Variants in SIK3 observed in about 807,000 individuals in gnomAD.
SIK3 encodes the protein serine/threonine-protein kinase SIK3.
SIK3 carries 28 observed loss-of-function variants against 144.2 expected under a neutral mutation model. The observed-to-expected ratio is 0.19, with a 90% CI of 0.14 to 0.27. The LOEUF is 0.27. Ranked by LOEUF, SIK3 falls within the 10% of genes least tolerant of loss-of-function variation. The probability of loss-of-function intolerance (pLI) is 1.00; values close to 1 mark genes in which losing one functional copy is unlikely to be tolerated. For synonymous variants in SIK3, 686 were observed against 676.3 expected, an observed-to-expected ratio of 1.01 and a Z score of -0.22; for missense variants, 1,319 against 1,776.0, an observed-to-expected ratio of 0.74 and a Z score of 4.62.
At chr11:117,001,731 C>G (rs2135614123) in intron 1 of SIK3, among the ~76,000 whole-genome samples, 1 of 152,274 alleles carries the variant, frequency 6.6e-6, no homozygotes, top group Non-Finnish European at 1.5e-5. Context: ...GCTAAAATTA[C>G]AGGCATGAAC....
intron 1 of SIK3, among the ~76,000 whole-genome samples, chr11:116,967,022 AAAAAGAAAAAG>A (rs1248545495): frequency 2.0e-5 from 3 of 149,646 alleles, no homozygotes; most frequent in Non-Finnish European, 4.4e-5. Flanking sequence ...AAAGAAAAAG[AAAAAGAAAAAG>A]AAAAGAAAAA....
chr11:117,094,645 T>C (rs575714017), intron 1 of SIK3, among the ~76,000 whole-genome samples: 1 of 152,046 alleles, frequency 6.6e-6, no homozygotes, highest in Non-Finnish European at 1.5e-5. Flanking sequence ...ATACAAAATC[T>C]ATCTACTCTT....
At chr11:117,035,367 T>C (rs1182372064) in intron 1 of SIK3, among the ~76,000 whole-genome samples, 3 of 152,216 alleles carry the variant, frequency 2.0e-5, no homozygotes, top group Non-Finnish European at 4.4e-5. Flanking sequence ...AAACTAAGTA[T>C]GAATTAATGA....
chr11:116,869,419 A>C (rs1218718848), intron 14 of SIK3: 3 of 152,206 alleles, frequency 2.0e-5, no homozygotes, highest in Non-Finnish European at 4.4e-5. Flanking sequence ...TTCAGCTAAA[A>C]TCAGTTAACA....
intron 21 of SIK3, among the ~76,000 whole-genome samples, chr11:116,854,859 G>A (rs1426972310): frequency 6.6e-6 from 1 of 152,030 alleles, no homozygotes; most frequent in Non-Finnish European, 1.5e-5. Flanking sequence ...GTGAGGCCGA[G>A]GTGGTTGGAT....
intron 21 of SIK3, among the ~76,000 whole-genome samples, chr11:116,852,335 T>C (rs1202586835): frequency 6.6e-6 from 1 of 152,182 alleles, no homozygotes; most frequent in Non-Finnish European, 1.5e-5. Context: ...CTGATGCCTG[T>C]AGGCACCAAG....
chr11:116,939,077 CAGA>C (rs761919562), intron 3 of SIK3, among the ~76,000 whole-genome samples: 5 of 152,194 alleles, frequency 3.3e-5, no homozygotes, highest in South Asian at 4.1e-4. Flanking sequence ...AAGTTCTTTA[CAGA>C]AGAAGAATAA....
At chr11:117,008,796 GC>G (rs1184168630) in intron 1 of SIK3, among the ~76,000 whole-genome samples, 3 of 152,194 alleles carry the variant, frequency 2.0e-5, no homozygotes, top group Non-Finnish European at 4.4e-5. Flanking sequence ...ATTGCAAATA[GC>G]CTTGCATTTG....
At chr11:117,013,967 C>CTTTTTTTTTTTTTTTTTTTTTTT (rs1951406146) in intron 1 of SIK3, among the ~76,000 whole-genome samples, 4 of 7,372 alleles carry the variant, frequency 5.4e-4, no homozygotes, top group Non-Finnish European at 1.3e-3. Flanking sequence ...TTCTTTTTTT[C>CTTTTTTTTTTTTTTTTTTTTTTT]TTTTCTTTTT....
At chr11:116,887,458 A>G (rs1944884039) in intron 6 of SIK3, among the ~76,000 whole-genome samples, 1 of 151,988 alleles carries the variant, frequency 6.6e-6, no homozygotes, top group East Asian at 1.9e-4. Context: ...CTCCACTAAA[A>G]ATACAAAAAT....
intron 7 of SIK3, 105 bp from the exon 8 acceptor site, chr11:116,876,468 AT>A: frequency 1.1e-6 from 1 of 935,398 alleles, no homozygotes; most frequent in Non-Finnish European, 1.7e-6. Flanking sequence ...GGCTTGGGAT[AT>A]TTTTGGCCTC....
intron 3 of SIK3, among the ~76,000 whole-genome samples, chr11:116,947,199 AATT>A (rs1353161450): frequency 2.0e-4 from 26 of 127,686 alleles, no homozygotes; most frequent in African/African-American, 8.6e-4. Context: ...ATTATATACA[AATT>A]ATTATTTATA....
At chr11:117,069,542 T>C (rs1447722057) in intron 1 of SIK3, among the ~76,000 whole-genome samples, 2 of 152,202 alleles carry the variant, frequency 1.3e-5, no homozygotes, top group East Asian at 3.8e-4. Flanking sequence ...AACTGGTTTG[T>C]TCAAATCACC....
intron 1 of SIK3, among the ~76,000 whole-genome samples, chr11:117,080,766 G>C (rs1954749405): frequency 6.6e-6 from 1 of 151,974 alleles, no homozygotes; most frequent in Admixed American, 6.6e-5. Context: ...AAGCCAACAT[G>C]GTGAAACCCC....
intron 5 of SIK3, 127 bp from the exon 6 acceptor site, chr11:116,896,503 C>A: frequency 1.0e-6 from 1 of 987,864 alleles, no homozygotes; most frequent in East Asian, 2.8e-5. Flanking sequence ...TTTCTTCCAT[C>A]TTAGAACAGT....
chr11:117,065,250 T>C (rs1477309802), intron 1 of SIK3, among the ~76,000 whole-genome samples: 1 of 151,792 alleles, frequency 6.6e-6, no homozygotes, highest in Non-Finnish European at 1.5e-5. Flanking sequence ...GTTTCTTCCC[T>C]TGTTCTGATA....
chr11:116,973,485 A>G (rs1372061096), intron 1 of SIK3, among the ~76,000 whole-genome samples: 2 of 152,224 alleles, frequency 1.3e-5, no homozygotes, highest in Non-Finnish European at 2.9e-5. Context: ...CTCCACTGGA[A>G]AAGTAAATAT....
At chr11:116,862,151 C>A in intron 17 of SIK3, 51 bp downstream of exon 17, 1 of 1,613,330 alleles carries the variant, frequency 6.2e-7, no homozygotes, top group Middle Eastern at 1.7e-4. Flanking sequence ...GGCAAATCAG[C>A]CTGAAAGCAA....
intron 9 of SIK3, 31 bp from the exon 10 acceptor site, chr11:116,875,482 A>G (rs1944204180): frequency 6.3e-7 from 1 of 1,594,548 alleles, no homozygotes; most frequent in African/African-American, 1.3e-5. Flanking sequence ...ATACACGCAT[A>G]CCTTTAACAC....
Sources: gnomAD v4.1 joint callset for allele counts (sites outside exome capture counted in the v4.1 genomes callset) on GRCh38, gnomAD v4.1.1 for gene constraint, MANE v1.5 for transcripts, NCBI Gene and HGNC (gene_info 2026-07-23, HGNC 2026-07-21) for gene names.